TCF7L1: variants seen among roughly 807,000 people sequenced by gnomAD.
The protein encoded by TCF7L1 is transcription factor 7-like 1.
In TCF7L1, 18 loss-of-function variants were observed where a neutral mutation model predicts 63.7. That is an observed-to-expected ratio of 0.28 (90% CI 0.20 to 0.42). TCF7L1 has a LOEUF of 0.42. Among genes scored for constraint, TCF7L1 ranks in the 10% least tolerant of loss-of-function variants. TCF7L1 has a pLI of 1.00. For synonymous variants in TCF7L1, 355 were observed against 340.9 expected (o/e 1.04, Z -0.46); for missense variants, 654 against 779.3 (o/e 0.84, Z 1.91).
chr2:85,210,756 G>T (rs1679522466), intron 3 of TCF7L1, among the ~76,000 whole-genome samples: 1 of 152,204 alleles, frequency 6.6e-6, no homozygotes, highest in Non-Finnish European at 1.5e-5. Flanking sequence ...TACTTGCCAT[G>T]TGCCAGGCAT....
chr2:85,190,638 T>G (rs1434067246), intron 3 of TCF7L1, among the ~76,000 whole-genome samples: 2 of 152,204 alleles, frequency 1.3e-5, no homozygotes, highest in Admixed American at 1.3e-4. Flanking sequence ...AAGGAGCCTT[T>G]GTGTTTCTTA....
intron 3 of TCF7L1, among the ~76,000 whole-genome samples, chr2:85,152,015 A>G (rs1442266781): frequency 1.3e-5 from 2 of 152,200 alleles, no homozygotes; most frequent in East Asian, 1.9e-4. Context: ...AACCTACTTA[A>G]TGTCTTTCAA....
At chr2:85,141,616 G>T (rs1416864201) in intron 3 of TCF7L1, among the ~76,000 whole-genome samples, 1 of 152,228 alleles carries the variant, frequency 6.6e-6, no homozygotes, top group Non-Finnish European at 1.5e-5. Flanking sequence ...GGGAGAAAGT[G>T]TATTTGGGAT....
chr2:85,300,191 T>C (rs934524253), intron 4 of TCF7L1, among the ~76,000 whole-genome samples: 63 of 152,118 alleles, frequency 4.1e-4, no homozygotes, highest in Non-Finnish European at 6.9e-4. Flanking sequence ...CTATTTAGCC[T>C]TTTTTTAAAT....
chr2:85,246,791 G>A (rs985295637), intron 3 of TCF7L1, among the ~76,000 whole-genome samples: 2 of 152,148 alleles, frequency 1.3e-5, no homozygotes, highest in African/African-American at 4.8e-5. Flanking sequence ...ATGAAATCAT[G>A]CAGTCTAGTC....
At chr2:85,227,099 T>C (rs1256696359) in intron 3 of TCF7L1, among the ~76,000 whole-genome samples, 1 of 152,072 alleles carries the variant, frequency 6.6e-6, no homozygotes, top group Non-Finnish European at 1.5e-5. Context: ...GTCTCCAGAG[T>C]GAGTTGGTGC....
intron 3 of TCF7L1, among the ~76,000 whole-genome samples, chr2:85,270,947 T>C (rs942839942): frequency 6.6e-6 from 1 of 152,122 alleles, no homozygotes; most frequent in Admixed American, 6.6e-5. Flanking sequence ...TCCACCTGCC[T>C]CAGCCTCCCA....
intron 3 of TCF7L1, among the ~76,000 whole-genome samples, chr2:85,260,009 A>C (rs1238627596): frequency 6.6e-6 from 1 of 152,050 alleles, no homozygotes; most frequent in African/African-American, 2.4e-5. Flanking sequence ...CCCACAACTG[A>C]CCTTTCACAG....
chr2:85,175,755 G>A (rs1305672873), intron 3 of TCF7L1, among the ~76,000 whole-genome samples: 2 of 152,252 alleles, frequency 1.3e-5, no homozygotes, highest in Non-Finnish European at 2.9e-5. Context: ...AAGAGGGACT[G>A]TAGGCCTGGT....
At chr2:85,272,659 G>A (rs1468930720) in intron 3 of TCF7L1, among the ~76,000 whole-genome samples, 1 of 152,108 alleles carries the variant, frequency 6.6e-6, no homozygotes, top group Non-Finnish European at 1.5e-5. Flanking sequence ...GCCGGGTGGT[G>A]TGGTGCTTGC....
intron 4 of TCF7L1, among the ~76,000 whole-genome samples, chr2:85,300,766 A>G (rs1185269841): frequency 6.6e-6 from 1 of 151,732 alleles, no homozygotes; most frequent in Non-Finnish European, 1.5e-5. Flanking sequence ...CCTCCAAATC[A>G]TCTTTTTTAC....
chr2:85,268,021 A>T (rs1400422460), intron 3 of TCF7L1, among the ~76,000 whole-genome samples: 3 of 152,238 alleles, frequency 2.0e-5, no homozygotes, highest in Non-Finnish European at 4.4e-5. Context: ...CCAGCTACAA[A>T]AGATTAGAAT....
intron 3 of TCF7L1, among the ~76,000 whole-genome samples, chr2:85,260,276 C>T (rs928608499): frequency 6.6e-6 from 1 of 152,118 alleles, no homozygotes; most frequent in Non-Finnish European, 1.5e-5. Flanking sequence ...TGGCAGTGTA[C>T]GTTGGCAGGG....
rs765711555 is a variant in TCF7L1, at chr2:85,133,986, C to T, written c.250-30C>T. The T allele has an allele frequency of 1.1e-5, 18 of 1,597,580 alleles. No individual in the cohort carries two copies. The Admixed American group carries it at 1.2e-4, about 11-fold the overall frequency. ...GGGATCCCGGCCCTGCGTCCGCTCA[C>T]CCGCTCTTGCCTTTGTGTCTCCTCC... On this transcript the variant is annotated intron_variant, in intron 1 of 11. Transcript: ENST00000282111. This position sits in a 1 kb window ranked among gnomAD's most constrained non-coding sequence, Gnocchi z 4.4.
chr2:85,168,158 A>G (rs1678463673), intron 3 of TCF7L1, among the ~76,000 whole-genome samples: 1 of 150,422 alleles, frequency 6.6e-6, no homozygotes, highest in East Asian at 1.9e-4. Flanking sequence ...CAACTTTATT[A>G]AGAGGGTCAA....
At chr2:85,218,615 A>G (rs1003537971) in intron 3 of TCF7L1, among the ~76,000 whole-genome samples, 19 of 148,592 alleles carry the variant, frequency 1.3e-4, no homozygotes, top group African/African-American at 4.5e-4. Context: ...GGAAATATTT[A>G]GTTAAAATAT....
At chr2:85,282,430 A>G (rs1681439517) in intron 3 of TCF7L1, among the ~76,000 whole-genome samples, 1 of 152,234 alleles carries the variant, frequency 6.6e-6, no homozygotes, top group African/African-American at 2.4e-5. Flanking sequence ...CACTAAGACA[A>G]CATGTGTGCT....
intron 3 of TCF7L1, among the ~76,000 whole-genome samples, chr2:85,219,002 A>G (rs969771477): frequency 6.6e-6 from 1 of 152,110 alleles, no homozygotes; most frequent in Non-Finnish European, 1.5e-5. Flanking sequence ...TGTCTCTACA[A>G]AAAATAAAAT....
chr2:85,134,079 G>A lies in TCF7L1; in HGVS notation c.313G>A (p.Val105Met), dbSNP rs1677530276. 5.6e-6 allele frequency: 9 copies of A among 1,609,460 alleles called. No homozygotes were observed. The highest frequency in any genetic ancestry group is 6.8e-6 in the Non-Finnish European group (8 of 1,179,054). ...FQKPRDYFAE[V>M]RRPQDSAFFK... Reference sequence around the variant, plus strand: ...GAAGCCGCGGGACTATTTCGCCGAAGGTATGTGCCCGCTGGGACAGCCCCC... The same window carrying A: ...GAAGCCGCGGGACTATTTCGCCGAAAGTATGTGCCCGCTGGGACAGCCCCC... The change falls in exon 2 of 12, where the codon GTG becomes ATG. Residue 105 changes from valine (V) to methionine (M), a missense_variant and splice_region_variant. By Grantham distance (21) the Val-to-Met change is conservative. Transcript: ENST00000282111. This position sits in a 1 kb window ranked among gnomAD's most constrained non-coding sequence, Gnocchi z 5.0.
Sources: allele counts gnomAD v4.1 joint callset (sites outside exome capture counted in the v4.1 genomes callset), GRCh38; gene constraint gnomAD v4.1.1; non-coding constraint Gnocchi (gnomAD v3.1); transcripts MANE v1.5; gene names NCBI Gene and HGNC (gene_info 2026-07-23, HGNC 2026-07-21).